The following KCMF1 variants were observed in gnomAD, a reference collection of about 807,000 sequenced individuals.
KCMF1 encodes the protein potassium channel modulatory factor 1.
A neutral mutation model predicts 41.1 loss-of-function variants in KCMF1; 3 were observed. The ratio of observed to expected loss-of-function variants is 0.07; its 90% CI spans 0.03 to 0.19. The LOEUF is 0.19. Among genes scored for constraint, KCMF1 ranks in the 10% least tolerant of loss-of-function variants. KCMF1 has a pLI of 1.00. For synonymous variants in KCMF1, 142 were observed against 164.5 expected, an observed-to-expected ratio of 0.86 and a Z score of 1.04; for missense variants, 286 against 488.9, an observed-to-expected ratio of 0.58 and a Z score of 3.91.
intron 1 of KCMF1, among the ~76,000 whole-genome samples, chr2:85,022,048 C>T (rs1473023445): frequency 6.6e-6 from 1 of 151,984 alleles, no homozygotes; most frequent in African/African-American, 2.4e-5. Context: ...AACTCCTGAC[C>T]TCAGGTGATC....
At chr2:84,974,691 ATTTTTTT>A (rs869056943) in intron 1 of KCMF1, among the ~76,000 whole-genome samples, 24 of 14,636 alleles carry the variant, frequency 1.6e-3, no homozygotes, top group African/African-American at 4.5e-3. Flanking sequence ...ATATATATAT[ATTTTTTT>A]TTTTTTTTTT....
intron 1 of KCMF1, among the ~76,000 whole-genome samples, chr2:85,023,823 C>CA (rs1448852396): frequency 6.6e-6 from 1 of 152,196 alleles, no homozygotes; most frequent in African/African-American, 2.4e-5. Context: ...ACACTCCTAC[C>CA]AGCAGGGTAT....
chr2:85,026,163 G>A (rs990084992), intron 1 of KCMF1, among the ~76,000 whole-genome samples: 3 of 151,898 alleles, frequency 2.0e-5, no homozygotes, highest in Admixed American at 6.6e-5. Context: ...GCTAATTTTT[G>A]TATGTTTAGT....
intron 3 of KCMF1, among the ~76,000 whole-genome samples, chr2:85,041,221 C>T (rs968323705): frequency 6.6e-6 from 1 of 152,082 alleles, no homozygotes; most frequent in Non-Finnish European, 1.5e-5. Context: ...GTTCTGAATA[C>T]CTTCATCCTG....
intron 1 of KCMF1, among the ~76,000 whole-genome samples, chr2:84,979,286 A>G (rs112527197): frequency 0.034 from 5,134 of 152,200 alleles, 114 homozygotes; most frequent in African/African-American, 0.067. Flanking sequence ...CCCATGGGAG[A>G]CCAAGATGGG....
chr2:84,985,174 T>C (rs1166075422), intron 1 of KCMF1, among the ~76,000 whole-genome samples: 1 of 151,948 alleles, frequency 6.6e-6, no homozygotes, highest in South Asian at 2.1e-4. Context: ...TGGAGGGCAA[T>C]GATTGGGGTG....
chr2:85,044,697 T>C (rs1675620997), intron 4 of KCMF1, among the ~76,000 whole-genome samples: 1 of 152,094 alleles, frequency 6.6e-6, no homozygotes, highest in South Asian at 2.1e-4. Context: ...TTGTATTTTT[T>C]TAGTAGAGAT....
At chr2:84,985,217 G>A (rs986238506) in intron 1 of KCMF1, among the ~76,000 whole-genome samples, 2 of 152,162 alleles carry the variant, frequency 1.3e-5, no homozygotes, top group Admixed American at 6.5e-5. Flanking sequence ...GGCGTAGTTC[G>A]AGCCAGATCT....
At chr2:85,034,795 T>C (rs770832388) in intron 2 of KCMF1, among the ~76,000 whole-genome samples, 11 of 152,128 alleles carry the variant, frequency 7.2e-5, no homozygotes, top group Non-Finnish European at 1.3e-4. Flanking sequence ...CTAATTTTTG[T>C]ATTTTTAGTA....
At chr2:85,019,963 T>C (rs962065894) in intron 1 of KCMF1, among the ~76,000 whole-genome samples, 11 of 152,052 alleles carry the variant, frequency 7.2e-5, no homozygotes, top group African/African-American at 2.7e-4. Context: ...AAAAAAACCC[T>C]GTTTCCTTTT....
chr2:84,982,823 G>A (rs943815510), intron 1 of KCMF1, among the ~76,000 whole-genome samples: 1 of 152,188 alleles, frequency 6.6e-6, no homozygotes, highest in Non-Finnish European at 1.5e-5. Context: ...GGATTTGTAT[G>A]TAGTTAATTG....
intron 5 of KCMF1, among the ~76,000 whole-genome samples, chr2:85,048,904 AATTC>A (rs1675736800): frequency 6.6e-6 from 1 of 152,196 alleles, no homozygotes. Flanking sequence ...GAATCCTAAT[AATTC>A]ATTCAGTCAT....
At chr2:85,012,510 C>T (rs1333939899) in intron 1 of KCMF1, among the ~76,000 whole-genome samples, 3 of 152,008 alleles carry the variant, frequency 2.0e-5, no homozygotes, top group African/African-American at 4.8e-5. Context: ...CTTTCTTTTC[C>T]GTATTACCGT....
At chr2:85,040,055 A>G (rs1046754493) in intron 3 of KCMF1, among the ~76,000 whole-genome samples, 2 of 152,102 alleles carry the variant, frequency 1.3e-5, no homozygotes, top group African/African-American at 4.8e-5. Flanking sequence ...ACCTCAGGCA[A>G]TCCATCTGCC....
intron 1 of KCMF1, among the ~76,000 whole-genome samples, chr2:85,006,595 G>A (rs998045046): frequency 3.0e-4 from 45 of 151,246 alleles, no homozygotes; most frequent in Middle Eastern, 3.2e-3. Context: ...CACCGCGCCC[G>A]GCCCTCATTT....
intron 2 of KCMF1, among the ~76,000 whole-genome samples, chr2:85,030,476 T>G (rs1346361306): frequency 6.6e-6 from 1 of 152,234 alleles, no homozygotes; most frequent in African/African-American, 2.4e-5. Flanking sequence ...GCTCTTACAT[T>G]TAGATATTTG....
chr2:84,978,602 A>G lies in KCMF1; in HGVS notation c.16+7135A>G, dbSNP rs186309360. Among the ~76,000 whole-genome samples, 1,042 of 151,444 alleles carry G rather than the reference A, an allele frequency of 6.9e-3. 4 individuals are homozygous for G. The highest frequency in any genetic ancestry group is 0.02 in the South Asian group (95 of 4,804). ...CACTCTGTCATCCAGGCTGGAGTGC[A>G]GTGGCATGATCTCGGCTCACTGTGG... On this transcript the variant is annotated intron_variant, in intron 1 of 6. Transcript: ENST00000409785.
At position 85,056,291 on chromosome 2, in the gene KCMF1, C is replaced by G. The variant is rs1229248373; in HGVS notation, c.*2882C>G. The G allele has an allele frequency of 6.6e-6, 1 of 151,998 alleles. No homozygotes were observed. The highest frequency in any genetic ancestry group is 6.6e-5 in the Admixed American group (1 of 15,234). 9.4% of individuals were successfully genotyped at this position (151,998 alleles called of 1,614,324 possible). On this transcript the variant is annotated 3_prime_UTR_variant, in exon 7 of 7. Coordinates refer to ENST00000409785, the MANE Select transcript of KCMF1 (RefSeq NM_020122.5). Reference sequence around the variant, plus strand: ...AATAGACGTAACAAAAAAAATCCAGCCCATTATCCCCACCCCCCATTTTCC... The same window carrying G: ...AATAGACGTAACAAAAAAAATCCAGGCCATTATCCCCACCCCCCATTTTCC...
intron 1 of KCMF1, among the ~76,000 whole-genome samples, chr2:85,024,963 A>G (rs1466915457): frequency 1.3e-5 from 2 of 152,002 alleles, no homozygotes; most frequent in African/African-American, 4.8e-5. Context: ...TACTGTAGTT[A>G]TTATAGGTTT....
Sources: gnomAD v4.1 joint callset for allele counts (sites outside exome capture counted in the v4.1 genomes callset) on GRCh38, gnomAD v4.1.1 for gene constraint, MANE v1.5 for transcripts, NCBI Gene and HGNC (gene_info 2026-07-23, HGNC 2026-07-21) for gene names.